CEMIP: variants seen among roughly 807,000 people sequenced by gnomAD.
CEMIP encodes cell migration-inducing and hyaluronan-binding protein.
CEMIP carries 105 observed loss-of-function variants against 156.9 expected under a neutral mutation model. The ratio of observed to expected loss-of-function variants is 0.67; its 90% CI spans 0.57 to 0.79. CEMIP has a LOEUF of 0.79. Among genes scored for constraint, CEMIP ranks in the 30% least tolerant of loss-of-function variants. The pLI is 0.00. For missense variants in CEMIP, 1,457 were observed against 1,769.4 expected (o/e 0.82, Z 3.17); for synonymous variants, 676 against 668.4 (o/e 1.01, Z -0.17).
At chr15:80,858,778 T>C (rs990566742) in intron 1 of CEMIP, among the ~76,000 whole-genome samples, 8 of 152,170 alleles carry the variant, frequency 5.3e-5, no homozygotes, top group Non-Finnish European at 8.8e-5. Flanking sequence ...CCTTTTGGCT[T>C]CTTATTAGTT....
chr15:80,823,421 T>C (rs555220533), intron 1 of CEMIP, among the ~76,000 whole-genome samples: 1 of 152,310 alleles, frequency 6.6e-6, no homozygotes, highest in East Asian at 1.9e-4. Context: ...CAGAATTAGT[T>C]GGGGCATGGA....
chr15:80,933,068 T>A (rs1900984723), intron 22 of CEMIP, among the ~76,000 whole-genome samples, 177 bp from the exon 23 acceptor site: 1 of 152,192 alleles, frequency 6.6e-6, no homozygotes, highest in Non-Finnish European at 1.5e-5. Flanking sequence ...AACCTTTGAC[T>A]GTGACTCCGG....
In CEMIP at chr15:80,932,573, C is replaced by A. The variant is rs1233519494; in HGVS notation, c.2793+534C>A. Among the ~76,000 whole-genome samples the A allele has an allele frequency of 2.0e-5, 3 of 152,150 alleles. No individual in the cohort carries two copies. The highest frequency in any genetic ancestry group is 2.9e-5 in the Non-Finnish European group (2 of 68,032). On this transcript the variant is annotated intron_variant, in intron 22 of 29. Coordinates refer to ENST00000394685, the MANE Select transcript of CEMIP (RefSeq NM_001293298.2). This position sits in a 1 kb window ranked among gnomAD's most constrained non-coding sequence, Gnocchi z 4.5. Reference sequence around the variant, plus strand: ...CCCTGTGAGACCAGCCGGGGCCAGTCCTCCTGTGCATTTCCTTCAGGTTAT... The same window carrying A: ...CCCTGTGAGACCAGCCGGGGCCAGTACTCCTGTGCATTTCCTTCAGGTTAT...
intron 3 of CEMIP, among the ~76,000 whole-genome samples, chr15:80,877,727 T>A (rs765819363): frequency 2.6e-5 from 4 of 152,234 alleles, no homozygotes; most frequent in Admixed American, 6.5e-5. Flanking sequence ...CTCTTTCCTG[T>A]GCTTCTGCAG....
At chr15:80,842,029 G>A (rs372090446) in intron 1 of CEMIP, 16 of 495,620 alleles carry the variant, frequency 3.2e-5, no homozygotes, top group African/African-American at 3.1e-4. Flanking sequence ...TTGAGACAGT[G>A]ACAACTATGG....
chr15:80,909,334 CTG>C (rs761293176), intron 14 of CEMIP, 28 bp downstream of exon 14: 20 of 1,606,644 alleles, frequency 1.2e-5, no homozygotes, highest in Non-Finnish European at 1.4e-5. Flanking sequence ...TCAGGGAACT[CTG>C]GGGATGGGCC....
intron 1 of CEMIP, among the ~76,000 whole-genome samples, chr15:80,817,862 C>T (rs906344674): frequency 2.0e-5 from 3 of 151,978 alleles, no homozygotes; most frequent in African/African-American, 7.3e-5. Context: ...TGCACCACTT[C>T]TTGTAAAAAT....
At chr15:80,852,083 G>A (rs2141739187) in intron 1 of CEMIP, among the ~76,000 whole-genome samples, 1 of 152,326 alleles carries the variant, frequency 6.6e-6, no homozygotes, top group South Asian at 2.1e-4. Context: ...GGCAAACTTT[G>A]CAGGGCAGGA....
At chr15:80,781,286 G>T (rs781317870) in intron 1 of CEMIP, among the ~76,000 whole-genome samples, 1 of 152,186 alleles carries the variant, frequency 6.6e-6, no homozygotes, top group Non-Finnish European at 1.5e-5. Flanking sequence ...ATCAAATAGA[G>T]CAAATTTATA....
intron 1 of CEMIP, among the ~76,000 whole-genome samples, chr15:80,805,275 A>G (rs1896486972): frequency 6.6e-6 from 1 of 152,216 alleles, no homozygotes; most frequent in Non-Finnish European, 1.5e-5. Context: ...CCGAAGCAAA[A>G]GGAATACACA....
chr15:80,860,502 G>A (rs563620101), intron 1 of CEMIP, among the ~76,000 whole-genome samples: 6 of 152,346 alleles, frequency 3.9e-5, no homozygotes, highest in African/African-American at 1.4e-4. Flanking sequence ...GATGGGATGA[G>A]AATGGAACAA....
chr15:80,933,507 C>G, intron 23 of CEMIP, 47 bp downstream of exon 23: 1 of 1,446,010 alleles, frequency 6.9e-7, no homozygotes, highest in Non-Finnish European at 9.7e-7. Context: ...TTCACTCATG[C>G]AACAAGCATT....
intron 1 of CEMIP, among the ~76,000 whole-genome samples, chr15:80,839,914 T>C (rs906601363): frequency 2.0e-5 from 3 of 152,198 alleles, no homozygotes; most frequent in Non-Finnish European, 2.9e-5. Flanking sequence ...GTTGGCACTA[T>C]CCACCGCATT....
intron 14 of CEMIP, among the ~76,000 whole-genome samples, chr15:80,915,920 T>A (rs894861569): frequency 1.3e-5 from 2 of 152,348 alleles, no homozygotes; most frequent in East Asian, 1.9e-4. Context: ...AGAAATTTTT[T>A]AAAAAGTAAT....
At chr15:80,779,969 C>A (rs1320669178) in intron 1 of CEMIP, among the ~76,000 whole-genome samples, 1 of 152,004 alleles carries the variant, frequency 6.6e-6, no homozygotes, top group Non-Finnish European at 1.5e-5. Context: ...CGGGGGCTTG[C>A]GCCCGGGAGA....
At chr15:80,933,205 C>T (rs2141953838) in intron 22 of CEMIP, 40 bp from the exon 23 acceptor site, 1 of 1,563,782 alleles carries the variant, frequency 6.4e-7, no homozygotes, top group Non-Finnish European at 8.8e-7. Flanking sequence ...AGTTTCCCTT[C>T]ACCTTCTAGC....
intron 1 of CEMIP, among the ~76,000 whole-genome samples, chr15:80,863,514 G>A (rs1898038303): frequency 6.6e-6 from 1 of 152,208 alleles, no homozygotes; most frequent in African/African-American, 2.4e-5. Context: ...TTAAAGAAGG[G>A]TTTGATGACT....
chr15:80,920,332 G>A (rs1193588739), intron 15 of CEMIP, 33 bp downstream of exon 15: 1 of 1,586,088 alleles, frequency 6.3e-7, no homozygotes, highest in African/African-American at 1.3e-5. Context: ...GTGTGCTGGG[G>A]GGAAGGGGTG....
At chr15:80,807,196 T>G (rs1596102493) in intron 1 of CEMIP, among the ~76,000 whole-genome samples, 1 of 151,492 alleles carries the variant, frequency 6.6e-6, no homozygotes, top group East Asian at 1.9e-4. Context: ...CATTTGAGGT[T>G]AAAGGAAGAG....
Sources: allele counts gnomAD v4.1 joint callset (sites outside exome capture counted in the v4.1 genomes callset), GRCh38; gene constraint gnomAD v4.1.1; non-coding constraint Gnocchi (gnomAD v3.1); transcripts MANE v1.5; gene names NCBI Gene and HGNC (gene_info 2026-07-23, HGNC 2026-07-21).